The following OSBPL10 variants were observed in gnomAD, a reference collection of about 807,000 sequenced individuals.
OSBPL10 encodes the protein oxysterol-binding protein-related protein 10.
In OSBPL10, 49 loss-of-function variants were observed where a neutral mutation model predicts 81.7. That is an observed-to-expected ratio of 0.60 (90% CI 0.48 to 0.76). The LOEUF (loss-of-function observed/expected upper bound fraction) is 0.76, where lower values mean the gene tolerates loss of function less well. Among genes scored for constraint, OSBPL10 ranks in the 30% least tolerant of loss-of-function variants. The pLI is 0.00. For missense variants in OSBPL10, 923 were observed against 987.8 expected, an observed-to-expected ratio of 0.93 and a Z score of 0.88; for synonymous variants, 419 against 383.6, an observed-to-expected ratio of 1.09 and a Z score of -1.08.
At chr3:31,842,227 G>C (rs950603731) in intron 3 of OSBPL10, among the ~76,000 whole-genome samples, 3 of 152,200 alleles carry the variant, frequency 2.0e-5, no homozygotes, top group African/African-American at 7.2e-5. Flanking sequence ...TCGCTGTTTT[G>C]ATTAAGGAAT....
chr3:31,726,267 T>C (rs552277747), intron 6 of OSBPL10, among the ~76,000 whole-genome samples: 1 of 151,812 alleles, frequency 6.6e-6, no homozygotes, highest in Non-Finnish European at 1.5e-5. Context: ...ACAGGGGGAG[T>C]GTACTAAGGG....
intron 1 of OSBPL10, among the ~76,000 whole-genome samples, chr3:31,912,548 C>A (rs543422849): frequency 4.1e-4 from 63 of 152,238 alleles, no homozygotes; most frequent in African/African-American, 1.5e-3. Flanking sequence ...TAAGTTAAGG[C>A]ACCCAAGAAG....
intron 4 of OSBPL10, among the ~76,000 whole-genome samples, chr3:31,765,248 G>T (rs1331070460): frequency 6.6e-6 from 1 of 151,712 alleles, no homozygotes; most frequent in Non-Finnish European, 1.5e-5. Context: ...ACGTTATCCA[G>T]GCTGGTCTAG....
chr3:32,035,531 C>T (rs1361368950), intron 2 of OSBPL10, among the ~76,000 whole-genome samples: 2 of 128,340 alleles, frequency 1.6e-5, no homozygotes, highest in African/African-American at 2.9e-5. Flanking sequence ...CACTGCACTC[C>T]AGCCTGGTCA....
intron 1 of OSBPL10, among the ~76,000 whole-genome samples, chr3:31,959,689 T>C (rs1341433413): frequency 1.3e-5 from 2 of 152,228 alleles, no homozygotes; most frequent in Non-Finnish European, 2.9e-5. Context: ...CAAAACTGAC[T>C]GAGAAGCATA....
chr3:31,965,828 A>AATAGATAATATATATTATCTATT (rs1559535383), intron 1 of OSBPL10, among the ~76,000 whole-genome samples: 2 of 82,394 alleles, frequency 2.4e-5, no homozygotes, highest in Non-Finnish European at 3.9e-5. Flanking sequence ...TATTATATAA[A>AATAGATAATATATATTATCTATT]TATATAATAT....
chr3:31,772,938 G>C (rs761039973), intron 4 of OSBPL10, among the ~76,000 whole-genome samples: 1 of 151,194 alleles, frequency 6.6e-6, no homozygotes, highest in East Asian at 1.9e-4. Flanking sequence ...CTTTCAAAAC[G>C]TGCAAGCCAG....
intron 2 of OSBPL10, among the ~76,000 whole-genome samples, chr3:32,014,070 A>T (rs1010589195): frequency 6.6e-6 from 1 of 152,230 alleles, no homozygotes; most frequent in Non-Finnish European, 1.5e-5. Context: ...ATAGAAAAAG[A>T]GAGAATCCTC....
intron 1 of OSBPL10, among the ~76,000 whole-genome samples, chr3:31,967,523 A>G (rs1016673559): frequency 6.6e-6 from 1 of 152,212 alleles, no homozygotes; most frequent in Non-Finnish European, 1.5e-5. Flanking sequence ...GTAATTCATT[A>G]TAATTTTCCT....
rs201863240 is a variant in OSBPL10, at chr3:31,918,333, T to TC, written c.282-38504_282-38503insG. Among the ~76,000 whole-genome samples the TC allele has an allele frequency of 9.7e-5, 8 of 82,566 alleles. No homozygotes were observed. In the South Asian group the frequency reaches 2.4e-3, roughly 24 times the overall value. 54.2% of individuals were successfully genotyped at this position (82,566 alleles called of 152,430 possible). On this transcript the variant is annotated intron_variant, in intron 1 of 11. Coordinates refer to ENST00000396556, the MANE Select transcript of OSBPL10 (RefSeq NM_017784.5). Reference sequence around the variant, plus strand: ...ACTGGAGTTGTTTTTTCTTTTCTTTTTTTTTTTTTTAAAGAGACAGGGTCT... The same window carrying TC: ...ACTGGAGTTGTTTTTTCTTTTCTTTTCTTTTTTTTTTAAAGAGACAGGGTCT...
chr3:31,885,253 TCA>T (rs1695700336), intron 1 of OSBPL10, among the ~76,000 whole-genome samples: 1 of 151,954 alleles, frequency 6.6e-6, no homozygotes, highest in Non-Finnish European at 1.5e-5. Context: ...ATAAACACAC[TCA>T]CACAGGTACT....
chr3:31,957,801 T>C (rs1323868757), intron 1 of OSBPL10, among the ~76,000 whole-genome samples: 1 of 152,022 alleles, frequency 6.6e-6, no homozygotes, highest in Non-Finnish European at 1.5e-5. Context: ...CCACCACGCC[T>C]GACTAATTTT....
chr3:31,968,646 A>T (rs752589959), intron 1 of OSBPL10, among the ~76,000 whole-genome samples: 5 of 152,246 alleles, frequency 3.3e-5, no homozygotes, highest in Non-Finnish European at 7.3e-5. Context: ...TATCCTATTA[A>T]TCAACATGAG....
chr3:31,871,566 C>A (rs1475728843), intron 3 of OSBPL10, among the ~76,000 whole-genome samples: 1 of 152,218 alleles, frequency 6.6e-6, no homozygotes, highest in Non-Finnish European at 1.5e-5. Context: ...CCTAAGACCA[C>A]CCACTTGATA....
intron 3 of OSBPL10, among the ~76,000 whole-genome samples, chr3:31,847,372 T>C (rs1451195145): frequency 1.3e-5 from 2 of 150,462 alleles, no homozygotes; most frequent in African/African-American, 4.8e-5. Context: ...ATTTTTGTAC[T>C]TTGACGGGGT....
intron 1 of OSBPL10, among the ~76,000 whole-genome samples, chr3:31,935,370 T>G (rs1328925347): frequency 6.6e-6 from 1 of 152,178 alleles, no homozygotes; most frequent in African/African-American, 2.4e-5. Context: ...TTTTTTTTTA[T>G]ACAGTATTTC....
chr3:31,804,000 C>T (rs115057695), intron 4 of OSBPL10, among the ~76,000 whole-genome samples: 2,216 of 152,268 alleles, frequency 0.015, 65 homozygotes, highest in African/African-American at 0.051. Flanking sequence ...AAGTATTCTA[C>T]AGGGAGATAC....
At chr3:31,934,132 G>A (rs1697322459) in intron 1 of OSBPL10, among the ~76,000 whole-genome samples, 1 of 151,318 alleles carries the variant, frequency 6.6e-6, no homozygotes, top group Admixed American at 6.6e-5. Flanking sequence ...TTGGTAAGAG[G>A]CATAAACTAA....
At chr3:31,844,889 C>T (rs1272348429) in intron 3 of OSBPL10, among the ~76,000 whole-genome samples, 1 of 152,110 alleles carries the variant, frequency 6.6e-6, no homozygotes, top group African/African-American at 2.4e-5. Context: ...GCCTGGGCAA[C>T]ATAGCAAGAC....
Sources: allele counts gnomAD v4.1 joint callset (sites outside exome capture counted in the v4.1 genomes callset), GRCh38; gene constraint gnomAD v4.1.1; transcripts MANE v1.5; gene names NCBI Gene and HGNC (gene_info 2026-07-23, HGNC 2026-07-21).